Variants in USP46 observed in about 807,000 individuals in gnomAD.
USP46 encodes ubiquitin specific peptidase 46.
USP46 carries 12 observed loss-of-function variants against 44.4 expected under a neutral mutation model. The ratio of observed to expected loss-of-function variants is 0.27; its 90% CI spans 0.17 to 0.44. USP46 has a LOEUF of 0.44. USP46 is among the 20% of genes least tolerant of loss of function. USP46 has a pLI of 1.00. For missense variants in USP46, 248 were observed against 444.8 expected (o/e 0.56, Z 3.98); for synonymous variants, 155 against 161.5 (o/e 0.96, Z 0.31).
chr4:52,642,150 C>A (rs577126757), intron 1 of USP46, among the ~76,000 whole-genome samples: 1 of 152,264 alleles, frequency 6.6e-6, no homozygotes, highest in East Asian at 1.9e-4. Context: ...TCAGAAGACA[C>A]CTGACAGAAT....
Position 52,598,793 on chromosome 4 carries a change from T to C in USP46, c.921-87A>G, listed in dbSNP as rs575965632. 162 of 1,301,002 alleles carry C rather than the reference T, an allele frequency of 1.2e-4. No individual in the cohort carries two copies. The African/African-American group carries it at 2.3e-3, about 19-fold the overall frequency. The allele number at this position is 1,301,002 out of a possible 1,614,324, so 80.6% of individuals were successfully genotyped here. A position where few individuals can be genotyped will look rare whatever the true frequency, so the allele number is the denominator to read the frequency against. On this transcript the variant is annotated intron_variant, in intron 7 of 8. Transcript: ENST00000441222. ...CTTAGCTCTTTATAAGCAGTGATTC[T>C]CTGGGAAAAAAAACTATGTCATCAG...
chr4:52,644,037 A>T (rs1267526687), intron 1 of USP46, among the ~76,000 whole-genome samples: 1 of 152,186 alleles, frequency 6.6e-6, no homozygotes, highest in East Asian at 1.9e-4. Flanking sequence ...ACCACCGGGC[A>T]CTTACCCAGA....
chr4:52,642,684 A>T (rs375962219), intron 1 of USP46, among the ~76,000 whole-genome samples: 7 of 152,370 alleles, frequency 4.6e-5, no homozygotes, highest in African/African-American at 1.7e-4. Context: ...CAGAGGAGAC[A>T]TGAGATGTAG....
intron 1 of USP46, among the ~76,000 whole-genome samples, chr4:52,633,773 G>A (rs1718003830): frequency 6.6e-6 from 1 of 152,138 alleles, no homozygotes; most frequent in African/African-American, 2.4e-5. Context: ...GAACCTGGAG[G>A]TGATGACTCA....
intron 7 of USP46, among the ~76,000 whole-genome samples, chr4:52,601,259 A>G (rs1254810659): frequency 6.6e-6 from 1 of 152,236 alleles, no homozygotes; most frequent in South Asian, 2.1e-4. Flanking sequence ...TTCTTCCCTT[A>G]TACCAAATTA....
At chr4:52,625,695 C>T (rs1717553374) in intron 4 of USP46, among the ~76,000 whole-genome samples, 1 of 152,170 alleles carries the variant, frequency 6.6e-6, no homozygotes. Context: ...ACAAGACCTC[C>T]CCATGACCAA....
At chr4:52,623,250 T>G (rs1560400799) in intron 4 of USP46, among the ~76,000 whole-genome samples, 1 of 152,182 alleles carries the variant, frequency 6.6e-6, no homozygotes, top group Non-Finnish European at 1.5e-5. Context: ...TGAAAAAGAC[T>G]GAAAATCTGT....
At chr4:52,657,574 T>C (rs1719001979) in intron 1 of USP46, among the ~76,000 whole-genome samples, 1 of 152,172 alleles carries the variant, frequency 6.6e-6, no homozygotes, top group Non-Finnish European at 1.5e-5. Context: ...GTATTCAAGC[T>C]GCTCCCGATT....
chr4:52,656,779 G>A (rs777764442), intron 1 of USP46, among the ~76,000 whole-genome samples: 5 of 151,770 alleles, frequency 3.3e-5, no homozygotes, highest in South Asian at 2.1e-4. Context: ...GGTGGCTCAC[G>A]GCAGTAATTT....
intron 4 of USP46, among the ~76,000 whole-genome samples, chr4:52,622,487 C>T (rs1230585327): frequency 6.6e-6 from 1 of 151,944 alleles, no homozygotes; most frequent in African/African-American, 2.4e-5. Flanking sequence ...AGAAACATGA[C>T]AAACATTTTC....
At chr4:52,650,709 T>C (rs1718725001) in intron 1 of USP46, among the ~76,000 whole-genome samples, 1 of 152,174 alleles carries the variant, frequency 6.6e-6, no homozygotes, top group Admixed American at 6.5e-5. Context: ...AAATTTCTTT[T>C]AAAAGCTTCA....
intron 4 of USP46, among the ~76,000 whole-genome samples, chr4:52,623,066 C>A (rs543144048): frequency 6.6e-6 from 1 of 152,200 alleles, no homozygotes; most frequent in East Asian, 1.9e-4. Context: ...GTAGGAGTTA[C>A]TACAGTAGTT....
At chr4:52,647,120 A>C (rs1047029573) in intron 1 of USP46, among the ~76,000 whole-genome samples, 5 of 152,146 alleles carry the variant, frequency 3.3e-5, no homozygotes, top group African/African-American at 1.2e-4. Flanking sequence ...AATTCAGTAG[A>C]CTCAAGCAAG....
Position 52,654,442 on chromosome 4 carries a change from C to T in USP46, c.36+4673G>A, listed in dbSNP as rs78492434. ...ATACTTGCCTTAGGTAAGTAGTTGA[C>T]TTATCAAGATAAAACTATAAAAATA... On this transcript the variant is annotated intron_variant, in intron 1 of 8. Coordinates refer to ENST00000441222, the MANE Select transcript of USP46 (RefSeq NM_022832.4). Among the ~76,000 whole-genome samples the T allele has an allele frequency of 5.5e-4, 83 of 152,270 alleles. 1 individual carries two copies. The highest frequency in any genetic ancestry group is 3.4e-3 in the Middle Eastern group (1 of 294).
Position 52,597,591 on chromosome 4 carries a change from A to G in USP46, c.*49T>C. On this transcript the variant is annotated 3_prime_UTR_variant, in exon 9 of 9. Coordinates refer to ENST00000441222, the MANE Select transcript of USP46 (RefSeq NM_022832.4). ...AAAGCCTGCGGAGAAGCCGGGTGAC[A>G]GTGCTGTGAACATTCTCCCCACGTG... 7.6e-7 allele frequency: 1 copy of G among 1,315,780 alleles called. No individual in the cohort carries two copies. 81.5% of individuals were successfully genotyped at this position (1,315,780 alleles called of 1,614,324 possible). A position where few individuals can be genotyped will look rare whatever the true frequency, so the allele number is the denominator to read the frequency against.
chr4:52,637,796 C>T (rs916096633), intron 1 of USP46, among the ~76,000 whole-genome samples: 11 of 152,234 alleles, frequency 7.2e-5, no homozygotes, highest in Non-Finnish European at 2.9e-5. Context: ...CCTCCAGTGA[C>T]CTTCACTGCT....
At chr4:52,658,601 C>CT (rs1212568175) in intron 1 of USP46, among the ~76,000 whole-genome samples, 9 of 152,328 alleles carry the variant, frequency 5.9e-5, no homozygotes, top group Middle Eastern at 3.4e-3. Context: ...CAATTTTGCA[C>CT]TTTTTTTACA....
rs753855090 is a variant in USP46 at position 52,592,534 on chromosome 4, C to A, written c.*5106G>T. 2.0e-5 allele frequency: 4 copies of A among 195,516 alleles called. No individual in the cohort carries two copies. The highest frequency in any genetic ancestry group is 1.1e-4 in the East Asian group (1 of 9,280). The allele number at this position is 195,516 out of a possible 1,614,324, so 12.1% of individuals were successfully genotyped here. ...GTACTGCCTCATGACTGAGTTCTCA[C>A]GAGATCTGGTTGTTTAAAAGTGTGT... On this transcript the variant is annotated 3_prime_UTR_variant, in exon 9 of 9. Coordinates refer to ENST00000441222, the MANE Select transcript of USP46 (RefSeq NM_022832.4).
At position 52,631,043 on chromosome 4, in the gene USP46, T is replaced by TG. The variant is rs1553891039; in HGVS notation, c.117+20_117+21insC. ...TATACCCTAAAACATTTGATGAAAATAATACATTTTACATACTTACATTGA... is the reference window on the plus strand; with the variant it reads ...TATACCCTAAAACATTTGATGAAAATGAATACATTTTACATACTTACATTGA... On this transcript the variant is annotated intron_variant, in intron 2 of 8. Coordinates refer to ENST00000441222, the MANE Select transcript of USP46 (RefSeq NM_022832.4). 5.8e-6 allele frequency: 9 copies of TG among 1,545,334 alleles called. No individual in the cohort carries two copies. The East Asian group carries it at 2.2e-4, about 37-fold the overall frequency.
Sources: gnomAD v4.1 joint callset for allele counts (sites outside exome capture counted in the v4.1 genomes callset) on GRCh38, gnomAD v4.1.1 for gene constraint, MANE v1.5 for transcripts, NCBI Gene and HGNC (gene_info 2026-07-23, HGNC 2026-07-21) for gene names.